PGLYRP3: variants seen among roughly 807,000 people sequenced by gnomAD.
PGLYRP3 encodes peptidoglycan recognition protein 3.
A neutral mutation model predicts 36.0 loss-of-function variants in PGLYRP3; 39 were observed. The ratio of observed to expected loss-of-function variants is 1.08; its 90% CI spans 0.84 to 1.41. The LOEUF (loss-of-function observed/expected upper bound fraction) is 1.41, where lower values mean the gene tolerates loss of function less well. PGLYRP3 is among the 40% of genes most tolerant of loss of function. PGLYRP3 has a pLI of 0.00. For synonymous variants in PGLYRP3, 204 were observed against 172.8 expected (o/e 1.18, Z -1.42); for missense variants, 407 against 427.9 (o/e 0.95, Z 0.43).
chr1:153,301,303 C>G (rs1205300913), intron 6 of PGLYRP3, among the ~76,000 whole-genome samples: 1 of 152,134 alleles, frequency 6.6e-6, no homozygotes, highest in Non-Finnish European at 1.5e-5. Context: ...TAGTAGCTAT[C>G]CAATAACTAT....
At chr1:153,303,299 A>G (rs1193186923) in intron 5 of PGLYRP3, among the ~76,000 whole-genome samples, 1 of 152,166 alleles carries the variant, frequency 6.6e-6, no homozygotes, top group African/African-American at 2.4e-5. Context: ...CTTTTCTCCG[A>G]GCTGTGGCTG....
chr1:153,301,860 A>C (rs973976812), intron 6 of PGLYRP3, among the ~76,000 whole-genome samples: 1 of 152,240 alleles, frequency 6.6e-6, no homozygotes, highest in Non-Finnish European at 1.5e-5. Flanking sequence ...CCTGGCATTA[A>C]AGGTACCAAA....
At chr1:153,304,701 C>A (rs114614507) in intron 4 of PGLYRP3, among the ~76,000 whole-genome samples, 1 of 152,182 alleles carries the variant, frequency 6.6e-6, no homozygotes, top group African/African-American at 2.4e-5. Flanking sequence ...CAGCAATAAC[C>A]GTGAGCTCAA....
rs535766745 is a variant in PGLYRP3 at position 153,297,499 on chromosome 1, AAAGGAAGGAAGGAAGGAAGGAAGG to A, written c.*433_*456del. Among the ~76,000 whole-genome samples, 9 of 52,670 alleles carry A rather than the reference AAAGGAAGGAAGGAAGGAAGGAAGG, an allele frequency of 1.7e-4. No individual in the cohort carries two copies. The highest frequency in any genetic ancestry group is 7.0e-4 in the African/African-American group (8 of 11,420). The allele number at this position is 52,670 out of a possible 152,430, so 34.6% of individuals were successfully genotyped here. A position where few individuals can be genotyped will look rare whatever the true frequency, so the allele number is the denominator to read the frequency against. ...GAGTGAGAAAGCAAGAAAGAAGGTG[AAAGGAAGGAAGGAAGGAAGGAAGG>A]AAGGAAGGAAGGAAGGAAGGAAGGA... On this transcript the variant is annotated 3_prime_UTR_variant, in exon 8 of 8. Transcript: ENST00000683862.
intron 6 of PGLYRP3, 37 bp downstream of exon 6, chr1:153,302,372 A>C (rs1041867115): frequency 1.9e-6 from 3 of 1,601,944 alleles, no homozygotes; most frequent in Non-Finnish European, 2.6e-6. Context: ...ACAATCCTGA[A>C]GAAAAAGAGG....
At chr1:153,298,829 G>A (rs372231022) in intron 7 of PGLYRP3, among the ~76,000 whole-genome samples, 27 of 152,210 alleles carry the variant, frequency 1.8e-4, no homozygotes, top group East Asian at 1.7e-3. Flanking sequence ...CCAACTGAGC[G>A]ATAAAAGCAC....
rs765423242 is a variant in PGLYRP3 at position 153,303,983 on chromosome 1, A to G, written c.403T>C (p.Ser135Pro). ...IGSSPSPAAL[S>P]AAEGLISYAI... The stretch of plus-strand genomic sequence containing the variant: ...TAGGAGATCAGACCCTCTGCAGCTG[A>G]TAAGGCAGCAGGGCTGGGACTGCTG... Residue 135 changes from serine (S) to proline (P), a missense_variant, in exon 5 of 8, where the codon TCA becomes CCA. By Grantham distance (74) the Ser-to-Pro change is moderately conservative (BLOSUM62 -1). Coordinates refer to ENST00000683862, the MANE Select transcript of PGLYRP3 (RefSeq NM_052891.3). 2.5e-5 allele frequency: 41 copies of G among 1,613,774 alleles called. No individual in the cohort carries two copies. The highest frequency in any genetic ancestry group is 3.4e-5 in the Non-Finnish European group (40 of 1,179,836).
intron 6 of PGLYRP3, among the ~76,000 whole-genome samples, chr1:153,301,184 A>C (rs1418950162): frequency 2.0e-5 from 3 of 152,132 alleles, no homozygotes; most frequent in Non-Finnish European, 4.4e-5. Context: ...GCCTCCTAAA[A>C]TGCTGAGATT....
chr1:153,312,355 G>T (rs773913607), intron 1 of PGLYRP3, among the ~76,000 whole-genome samples: 12 of 152,192 alleles, frequency 7.9e-5, no homozygotes, highest in Non-Finnish European at 1.2e-4. Context: ...AGACATAATA[G>T]ATAAGAATTT....
Position 153,312,729 on chromosome 1 carries a change from T to A in PGLYRP3, c.-128A>T, listed in dbSNP as rs1659927487. Among the ~76,000 whole-genome samples, 1 of 152,138 alleles carries A rather than the reference T, an allele frequency of 6.6e-6. No homozygotes were observed. The highest frequency in any genetic ancestry group is 2.4e-5 in the African/African-American group (1 of 41,436). On this transcript the variant is annotated 5_prime_UTR_variant, in exon 1 of 8. The change creates a new upstream start codon in the 5' untranslated region. Transcript: ENST00000683862. ...GCCAGCAGCTCCTTCCCTTCCAGAC[T>A]TGGCCTCCAGGACCTGCCCTTCTTC... is the stretch of plus-strand genomic sequence containing the variant.
rs1659701698 is a variant in PGLYRP3 at position 153,304,993 on chromosome 1, G to A, written c.330C>T (p.Gly110=). The change falls in exon 4 of 8, where the codon GGC becomes GGT. Residue 110 remains glycine, a synonymous_variant. Coordinates refer to ENST00000683862, the MANE Select transcript of PGLYRP3 (RefSeq NM_052891.3). The part of the protein sequence containing the change: ...GWNIQGLHTQ[G]YNNISLGIAF... ...CGATGCCCAGGGAAATGTTGTTGTA[G>A]CCCTGGGTGTGCAAGCCTTGGATGT... The A allele has an allele frequency of 6.2e-7, 1 of 1,613,918 alleles. No homozygotes were observed. The highest frequency in any genetic ancestry group is 8.5e-7 in the Non-Finnish European group (1 of 1,179,894).
chr1:153,301,608 T>C (rs1659600183), intron 6 of PGLYRP3, among the ~76,000 whole-genome samples: 2 of 152,208 alleles, frequency 1.3e-5, no homozygotes, highest in South Asian at 2.1e-4. Flanking sequence ...AAGCAAGAGT[T>C]CCCTCCTGTT....
chr1:153,303,933 C>T lies in PGLYRP3; in HGVS notation c.453G>A (p.Ser151=), dbSNP rs73014413. 7.9e-4 allele frequency: 1,277 copies of T among 1,613,914 alleles called. 9 individuals are homozygous for T. The African/African-American group carries it at 0.015, about 19-fold the overall frequency. ...GAAGAAGTGGCTGAATATACCTGGG[C>T]GACAGGTGACCCTTCTGGATGGCAT... The part of the protein sequence containing the change: ...ISYAIQKGHL[S]PRYIQPLLLK... The change falls in exon 5 of 8, where the codon TCG becomes TCA. Residue 151 remains serine, a synonymous_variant. Transcript: ENST00000683862.
chr1:153,302,337 G>A lies in PGLYRP3; in HGVS notation c.728+72C>T, dbSNP rs532196887. The A allele has an allele frequency of 1.4e-5, 22 of 1,527,880 alleles. No homozygotes were observed. The South Asian group carries it at 2.2e-4, about 15-fold the overall frequency. 94.6% of individuals were successfully genotyped at this position (1,527,880 alleles called of 1,614,324 possible). Reference sequence around the variant, plus strand: ...CAAAGGAGAGGCTCAGGAAACATCAGTTCCCTCCCACAGCCTTCCTTCCTA... The same window carrying A: ...CAAAGGAGAGGCTCAGGAAACATCAATTCCCTCCCACAGCCTTCCTTCCTA... On this transcript the variant is annotated intron_variant, in intron 6 of 7. Transcript: ENST00000683862.
chr1:153,310,752 G>A, intron 1 of PGLYRP3, 46 bp from the exon 2 acceptor site: 1 of 1,206,826 alleles, frequency 8.3e-7, no homozygotes, highest in Non-Finnish European at 1.2e-6. Flanking sequence ...AACTCTGCAA[G>A]TGGAGCACCC....
At position 153,304,928 on chromosome 1, in the gene PGLYRP3, C is replaced by G. The variant is rs762961415; in HGVS notation, c.376+19G>C. The G allele has an allele frequency of 1.3e-6, 2 of 1,586,490 alleles. No homozygotes were observed. Among genetic ancestry groups the G allele is most frequent in the Middle Eastern group, 1.7e-4 (1 of 5,980 alleles). The stretch of plus-strand genomic sequence containing the variant: ...GTACACAACTCTCCAGCACAGGGTC[C>G]GCAGGGAGTGACCCTTACCTATCTT... On this transcript the variant is annotated intron_variant, in intron 4 of 7. Transcript: ENST00000683862.
rs1364890846 is a variant in PGLYRP3 at position 153,298,148 on chromosome 1, T to G, written c.848-14A>C. On this transcript the variant is annotated splice_polypyrimidine_tract_variant and intron_variant, in intron 7 of 7. Coordinates refer to ENST00000683862, the MANE Select transcript of PGLYRP3 (RefSeq NM_052891.3). The stretch of plus-strand genomic sequence containing the variant: ...TTGGAGGCTTTTCTGCAAAACACAT[T>G]TTCCCCATCAGTCATTAGGGGCTCA... 2 of 1,613,070 alleles carry G rather than the reference T, an allele frequency of 1.2e-6. No homozygotes were observed. Among genetic ancestry groups the G allele is most frequent in the African/African-American group, 2.7e-5 (2 of 74,778 alleles).
chr1:153,304,903 G>A (rs1659696740), intron 4 of PGLYRP3, 44 bp downstream of exon 4: 4 of 1,445,848 alleles, frequency 2.8e-6, no homozygotes, highest in South Asian at 1.2e-5. Flanking sequence ...GGAAGAGAGT[G>A]TACACAACTC....
Position 153,302,564 on chromosome 1 carries a change from C to A in PGLYRP3, c.573G>T (p.Glu191Asp). 6.2e-7 allele frequency: 1 copy of A among 1,614,174 alleles called. No individual in the cohort carries two copies. The highest frequency in any genetic ancestry group is 8.5e-7 in the Non-Finnish European group (1 of 1,180,022). Residue 191 changes from glutamate (E) to aspartate (D), a missense_variant, in exon 6 of 8, where the codon GAG becomes GAT. Transcript: ENST00000683862. ...IIKRSAWEAR[E>D]THCPKMNLPA... ...GGAGGTTCATTTTAGGGCAGTGTGT[C>A]TCTCTGGCTTCCCAAGCAGATCGTT...
Sources: gnomAD v4.1 joint callset for allele counts (sites outside exome capture counted in the v4.1 genomes callset) on GRCh38, gnomAD v4.1.1 for gene constraint, MANE v1.5 for transcripts, NCBI Gene and HGNC (gene_info 2026-07-23, HGNC 2026-07-21) for gene names.